The following ROCK2 variants were observed in gnomAD, a reference collection of about 807,000 sequenced individuals.
The protein encoded by ROCK2 is Rho associated coiled-coil containing protein kinase 2, also known as rho-associated protein kinase 2.
A neutral mutation model predicts 195.1 loss-of-function variants in ROCK2; 61 were observed. The ratio of observed to expected loss-of-function variants is 0.31; its 90% confidence interval spans 0.25 to 0.39. The LOEUF is 0.39. Among genes scored for constraint, ROCK2 ranks in the 10% least tolerant of loss-of-function variants. ROCK2 has a pLI of 1.00. For missense variants in ROCK2, 1,109 were observed against 1,637.4 expected (o/e 0.68, Z 5.57); for synonymous variants, 504 against 545.5 (o/e 0.92, Z 1.06).
At chr2:11,321,420 T>G (rs897603442) in intron 1 of ROCK2, among the ~76,000 whole-genome samples, 1 of 151,224 alleles carries the variant, frequency 6.6e-6, no homozygotes, top group African/African-American at 2.4e-5. Context: ...CAGTGATCCA[T>G]CCGCCTCAGC....
At chr2:11,339,296 TTAA>T (rs1189963587) in intron 1 of ROCK2, among the ~76,000 whole-genome samples, 1 of 152,136 alleles carries the variant, frequency 6.6e-6, no homozygotes, top group Non-Finnish European at 1.5e-5. Context: ...CAGCAAAATA[TTAA>T]TTATGCGGTA....
In ROCK2 at chr2:11,344,115, C is replaced by T; in HGVS notation, c.22G>A (p.Gly8Arg). ...GTCTCGGGGGCGCCGGGCATTTTCC[C>T]CGTCGGCGGGGGCCGGCTCATGCCG... Reference protein sequence around the residue: MSRPPPTGKMPGAPETAP... With the variant: MSRPPPTRKMPGAPETAP... The change falls in exon 1 of 33, where the codon GGG becomes AGG. Residue 8 changes from glycine (G) to arginine (R), a missense_variant. By Grantham distance (125) the Gly-to-Arg change is moderately radical. Around this residue, in one of 6 missense-constraint regions of ROCK2, gnomAD observed 64 missense variants for 62.4 expected, o/e 1.03. Coordinates refer to ENST00000315872, the MANE Select transcript of ROCK2 (RefSeq NM_004850.5). The surrounding 1 kb of genome is among the most constrained non-coding windows in gnomAD (Gnocchi z 5.4). 1 of 1,492,426 alleles carries T rather than the reference C, an allele frequency of 6.7e-7. No homozygotes were observed. Among genetic ancestry groups the T allele is most frequent in the Non-Finnish European group, 8.9e-7 (1 of 1,128,624 alleles). The allele number at this position is 1,492,426 out of a possible 1,614,324, so 92.4% of individuals were successfully genotyped here.
intron 1 of ROCK2, among the ~76,000 whole-genome samples, chr2:11,338,308 C>T (rs1668995005): frequency 6.6e-6 from 1 of 152,186 alleles, no homozygotes; most frequent in South Asian, 2.1e-4. Context: ...GACTACACCA[C>T]TGCATCCCAG....
In ROCK2 at chr2:11,194,308, C is replaced by A; in HGVS notation, c.3556G>T (p.Asp1186Tyr). 1 of 1,469,066 alleles carries A rather than the reference C, an allele frequency of 6.8e-7. No individual in the cohort carries two copies. The allele number at this position is 1,469,066 out of a possible 1,614,324, so 91.0% of individuals were successfully genotyped here. Residue 1186 changes from aspartate to tyrosine, a missense_variant, in exon 29 of 33, where the codon GAC (aspartate) becomes TAC (tyrosine). Asp to Tyr is a radical substitution (Grantham distance 160). Transcript: ENST00000315872. ...GATTGTTCTTTATCTTGTTCACTGT[C>A]ATAGAAAAGAATCTTCTTACTGCTT... ...IVSSKKILFYDSEQDKEQSNP... is the reference protein window; with the variant it reads ...IVSSKKILFYYSEQDKEQSNP...
At chr2:11,339,331 G>A (rs146692337) in intron 1 of ROCK2, among the ~76,000 whole-genome samples, 1 of 151,998 alleles carries the variant, frequency 6.6e-6, no homozygotes, top group Admixed American at 6.6e-5. Context: ...GTTCACTGTC[G>A]ATTTTTTCAC....
intron 20 of ROCK2, among the ~76,000 whole-genome samples, chr2:11,203,614 G>A (rs1469819328): frequency 3.3e-5 from 5 of 152,136 alleles, no homozygotes; most frequent in African/African-American, 9.7e-5. Context: ...ATACTGCTTA[G>A]GAGGTTTATC....
chr2:11,192,511 G>T lies in ROCK2; in HGVS notation c.3889C>A (p.His1297Asn). Residue 1297 changes from histidine to asparagine, a missense_variant, in exon 31 of 33, where the codon CAT (histidine) becomes AAT (asparagine). By Grantham distance (68) the His-to-Asn change is moderately conservative. Transcript: ENST00000315872. This position sits in a 1 kb window ranked among gnomAD's most constrained non-coding sequence, Gnocchi z 5.0. ...PPPALECRRC[H>N]IKCHKDHMDK... is the part of the protein sequence containing the mutation. ...ATATGATCTTTATGACACTTAATAT[G>T]GCAACGGCGGCACTCCAAAGCAGGA... 6.2e-7 allele frequency: 1 copy of T among 1,614,062 alleles called. No individual in the cohort carries two copies. The highest frequency in any genetic ancestry group is 8.5e-7 in the Non-Finnish European group (1 of 1,180,000).
At chr2:11,202,655 A>G (rs1401478059) in intron 20 of ROCK2, among the ~76,000 whole-genome samples, 14 of 151,706 alleles carry the variant, frequency 9.2e-5, no homozygotes, top group Admixed American at 2.0e-4. Context: ...CTGCCACCAC[A>G]CCTGGCTAAT....
chr2:11,305,193 T>C (rs1446369502), intron 1 of ROCK2, among the ~76,000 whole-genome samples: 1 of 152,180 alleles, frequency 6.6e-6, no homozygotes, highest in Non-Finnish European at 1.5e-5. Flanking sequence ...CTGGCCAGCA[T>C]GGCGAAACCC....
intron 1 of ROCK2, among the ~76,000 whole-genome samples, chr2:11,305,927 C>A (rs1327756275): frequency 6.6e-6 from 1 of 152,068 alleles, no homozygotes; most frequent in East Asian, 1.9e-4. Context: ...GGTGACTTGT[C>A]AAGAGGACAC....
Position 11,257,165 on chromosome 2 carries a change from G to A in ROCK2, c.325-7367C>T, listed in dbSNP as rs998967957. Among the ~76,000 whole-genome samples, 20 of 151,506 alleles carry A rather than the reference G, an allele frequency of 1.3e-4. 2 individuals carry two copies. Among genetic ancestry groups the A allele is most frequent in the African/African-American group, 4.2e-4 (17 of 40,768 alleles). On this transcript the variant is annotated intron_variant, in intron 3 of 32. Coordinates refer to ENST00000315872, the MANE Select transcript of ROCK2 (RefSeq NM_004850.5). ...GAGGTTAGCCTAGGCAGCTACAGTG[G>A]TGGAGGAGCAGGGGCTGGTATGCGC... is the stretch of plus-strand genomic sequence containing the variant.
In ROCK2 at chr2:11,197,975, T is replaced by C. The variant is rs533283097; in HGVS notation, c.3100-270A>G. ...TTTATAGAATTGATCTGATGTTGCT[T>C]TCTACCATTTTGACTTTTTAGTTCT... is the stretch of plus-strand genomic sequence containing the variant. On this transcript the variant is annotated intron_variant, in intron 25 of 32. Transcript: ENST00000315872. This position sits in a 1 kb window ranked among gnomAD's most constrained non-coding sequence, Gnocchi z 4.9. Among the ~76,000 whole-genome samples, 1 of 152,364 alleles carries C rather than the reference T, an allele frequency of 6.6e-6. No individual in the cohort carries two copies. Among genetic ancestry groups the C allele is most frequent in the East Asian group, 1.9e-4 (1 of 5,194 alleles).
In ROCK2 at chr2:11,211,662, C is replaced by T. The variant is rs751639268; in HGVS notation, c.2203+19G>A. The T allele has an allele frequency of 2.6e-6, 4 of 1,562,090 alleles. No homozygotes were observed. Among genetic ancestry groups the T allele is most frequent in the Non-Finnish European group, 1.7e-6 (2 of 1,153,394 alleles). ...CTTAGGAAGACGCTGCTGGAAAACCCTCTTTAAAAAATGCATACCTTTCAT... is the reference window on the plus strand; with the variant it reads ...CTTAGGAAGACGCTGCTGGAAAACCTTCTTTAAAAAATGCATACCTTTCAT... On this transcript the variant is annotated intron_variant, in intron 18 of 32. Coordinates refer to ENST00000315872, the MANE Select transcript of ROCK2 (RefSeq NM_004850.5).
Position 11,217,093 on chromosome 2 carries a change from C to T in ROCK2, c.1409G>A (p.Cys470Tyr), listed in dbSNP as rs751625329. ...TTTAATTATCTACAAAACATACTTG[C>T]ACTTCTGTTCCAGTTCCTCTTTGGC... ...MQAKEELEQK[C>Y]KSVNTRLEKT... Residue 470 changes from cysteine (C) to tyrosine (Y), a missense_variant, in exon 12 of 33, where the codon TGC becomes TAC. Cys to Tyr is a radical substitution (Grantham distance 194). Transcript: ENST00000315872. 7 of 1,461,382 alleles carry T rather than the reference C, an allele frequency of 4.8e-6. No individual in the cohort carries two copies. The highest frequency in any genetic ancestry group is 1.7e-5 in the Admixed American group (1 of 59,306). 90.5% of individuals were successfully genotyped at this position (1,461,382 alleles called of 1,614,324 possible). A position where few individuals can be genotyped will look rare whatever the true frequency, so the allele number is the denominator to read the frequency against.
At chr2:11,237,247 A>C (rs532965856) in intron 4 of ROCK2, among the ~76,000 whole-genome samples, 1 of 152,308 alleles carries the variant, frequency 6.6e-6, no homozygotes, top group African/African-American at 2.4e-5. Context: ...GGACCAAAAA[A>C]ACCCTGAAGT....
At position 11,249,766 on chromosome 2, in the gene ROCK2, A is replaced by C; in HGVS notation, c.357T>G (p.Ala119=). 6.4e-7 allele frequency: 1 copy of C among 1,565,258 alleles called. No individual in the cohort carries two copies. The highest frequency in any genetic ancestry group is 8.6e-7 in the Non-Finnish European group (1 of 1,161,822). The change falls in exon 4 of 33, where the codon GCT becomes GCG. Residue 119 remains alanine (A), a synonymous_variant. Transcript: ENST00000315872. ...TTTCAAACTTACTAAGAAGCTTCAT[A>C]GCATAAACCTTCTGCGATGCCTTGT... ...VRHKASQKVY[A]MKLLSKFEMI...
At chr2:11,323,908 T>C (rs1668471809) in intron 1 of ROCK2, among the ~76,000 whole-genome samples, 1 of 152,190 alleles carries the variant, frequency 6.6e-6, no homozygotes, top group South Asian at 2.1e-4. Flanking sequence ...ATCCCATGGG[T>C]TCACACAAAT....
intron 1 of ROCK2, among the ~76,000 whole-genome samples, chr2:11,309,320 AG>A (rs1240796404): frequency 6.6e-6 from 1 of 152,160 alleles, no homozygotes; most frequent in Non-Finnish European, 1.5e-5. Context: ...GACTTGAGCA[AG>A]GATGGATTTT....
intron 3 of ROCK2, among the ~76,000 whole-genome samples, chr2:11,282,181 T>C (rs1667028580): frequency 1.3e-5 from 2 of 152,020 alleles, no homozygotes; most frequent in African/African-American, 4.8e-5. Context: ...CAAAACCCCA[T>C]CTTTACTAAA....
Sources: allele counts gnomAD v4.1 joint callset (sites outside exome capture counted in the v4.1 genomes callset), GRCh38; gene constraint gnomAD v4.1.1; regional missense constraint gnomAD v4.1.1; non-coding constraint Gnocchi (gnomAD v3.1); transcripts MANE v1.5; gene names NCBI Gene and HGNC (gene_info 2026-07-23, HGNC 2026-07-21).